PCDHA8: variants seen among roughly 807,000 people sequenced by gnomAD.
PCDHA8 encodes protocadherin alpha 8, also known as protocadherin alpha-8.
PCDHA8 carries 53 observed loss-of-function variants against 61.8 expected under a neutral mutation model. The observed-to-expected ratio is 0.86, with a 90% CI of 0.69 to 1.08. The LOEUF (loss-of-function observed/expected upper bound fraction) is 1.08, where lower values mean the gene tolerates loss of function less well. PCDHA8 is among the 50% of genes least tolerant of loss of function. PCDHA8 has a pLI of 0.00. For synonymous variants in PCDHA8, 618 were observed against 556.6 expected, an observed-to-expected ratio of 1.11 and a Z score of -1.55; for missense variants, 1,293 against 1,245.0, an observed-to-expected ratio of 1.04 and a Z score of -0.58.
chr5:140,986,173 C>G (rs1459755039), intron 3 of PCDHA8, among the ~76,000 whole-genome samples: 1 of 152,202 alleles, frequency 6.6e-6, no homozygotes, highest in Non-Finnish European at 1.5e-5. Flanking sequence ...GCAGGATAAA[C>G]AAGTCAGGCA....
At chr5:141,000,421 A>ATTTTTTTTT (rs34755515) in intron 3 of PCDHA8, among the ~76,000 whole-genome samples, 3 of 27,980 alleles carry the variant, frequency 1.1e-4, no homozygotes, top group African/African-American at 1.8e-4. Flanking sequence ...ATATATATAT[A>ATTTTTTTTT]TTTTTTTTTT....
chr5:140,866,321 C>A (rs1282592787), intron 1 of PCDHA8: 1 of 152,000 alleles, frequency 6.6e-6, no homozygotes, highest in Non-Finnish European at 1.5e-5. Flanking sequence ...TTTCAGGGAC[C>A]CTGAACTTGG....
Position 140,843,243 on chromosome 5 carries a change from A to T in PCDHA8, c.1922A>T (p.Asp641Val). 1 of 1,595,128 alleles carries T rather than the reference A, an allele frequency of 6.3e-7. No homozygotes were observed. Among genetic ancestry groups the T allele is most frequent in the Non-Finnish European group, 8.6e-7 (1 of 1,165,308 alleles). Residue 641 changes from aspartate (D) to valine (V), a missense_variant, in exon 1 of 4, where the codon GAC (aspartate) becomes GTC (valine). Asp to Val is a radical substitution (Grantham distance 152). Coordinates refer to ENST00000531613, the MANE Select transcript of PCDHA8 (RefSeq NM_018911.3). ...ACCACTCGTGTCCTGGACGAAGCGG[A>T]CTCTCCGCGCCACCGTCTGCTGGTC... ...ISTTRVLDEA[D>V]SPRHRLLVLV...
chr5:140,867,041 C>G (rs188716908), intron 1 of PCDHA8: 1 of 152,078 alleles, frequency 6.6e-6, no homozygotes, highest in East Asian at 1.9e-4. Flanking sequence ...TATGACTTGG[C>G]GTTTGTTCAG....
intron 1 of PCDHA8, chr5:140,871,565 G>A: frequency 3.4e-6 from 5 of 1,483,114 alleles, no homozygotes; most frequent in South Asian, 1.4e-5. Context: ...TTTTTTTCAC[G>A]GATTTTTTAA....
intron 1 of PCDHA8, chr5:140,967,133 G>C: frequency 6.2e-7 from 1 of 1,611,928 alleles, no homozygotes; most frequent in East Asian, 2.2e-5. Flanking sequence ...CAGCTTGGAA[G>C]TGCTGGCGCA....
chr5:140,863,250 C>T, intron 1 of PCDHA8: 1 of 1,410,418 alleles, frequency 7.1e-7, no homozygotes, highest in Non-Finnish European at 9.7e-7. Context: ...TGGCGGGCGT[C>T]GAGGTCCGGG....
chr5:140,871,567 AT>A (rs1441824086), intron 1 of PCDHA8: 5 of 1,483,054 alleles, frequency 3.4e-6, no homozygotes, highest in African/African-American at 1.4e-5. Context: ...TTTTTCACGG[AT>A]TTTTTAAGGG....
Position 140,883,309 on chromosome 5 carries a change from C to T in PCDHA8, c.2394+39594C>T, listed in dbSNP as rs782264263. The T allele has an allele frequency of 4.3e-6, 7 of 1,613,930 alleles. No individual in the cohort carries two copies. In the Admixed American group the frequency reaches 1.2e-4, roughly 27 times the overall value. ...AAGTACTAGATGTAAATGATAACGCCCCAGAGGTTACCATCACTTCTTTGT... is the reference window on the plus strand; with the variant it reads ...AAGTACTAGATGTAAATGATAACGCTCCAGAGGTTACCATCACTTCTTTGT... On this transcript the variant is annotated intron_variant, in intron 1 of 3. Transcript: ENST00000531613.
intron 1 of PCDHA8, among the ~76,000 whole-genome samples, chr5:140,941,214 C>CCTTCTTTCTTTCTTT (rs1554214040): frequency 8.2e-6 from 1 of 122,414 alleles, no homozygotes; most frequent in Non-Finnish European, 1.7e-5. Context: ...TTTCTTTCTT[C>CCTTCTTTCTTTCTTT]CTTTCTTTCT....
chr5:140,852,926 T>C (rs1274481129), intron 1 of PCDHA8: 1 of 649,848 alleles, frequency 1.5e-6, no homozygotes, highest in Non-Finnish European at 2.0e-6. Flanking sequence ...TTGCCCAGGC[T>C]GGAGTGCAGT....
intron 1 of PCDHA8, among the ~76,000 whole-genome samples, chr5:140,937,697 G>A (rs2091687536): frequency 6.6e-6 from 1 of 151,910 alleles, no homozygotes; most frequent in Non-Finnish European, 1.5e-5. Flanking sequence ...CGGATCACGA[G>A]GTCAGGAGAT....
At position 140,888,063 on chromosome 5, in the gene PCDHA8, T is replaced by A. The variant is rs1412671068; in HGVS notation, c.2394+44348T>A. On this transcript the variant is annotated intron_variant, in intron 1 of 3. Coordinates refer to ENST00000531613, the MANE Select transcript of PCDHA8 (RefSeq NM_018911.3). Reference sequence around the variant, plus strand: ...TGTATAATAGATGTTTTAACTTTCTTGTCTGCTAATTTCAACATTTTTGTC... The same window carrying A: ...TGTATAATAGATGTTTTAACTTTCTAGTCTGCTAATTTCAACATTTTTGTC... Among the ~76,000 whole-genome samples the A allele has an allele frequency of 2.0e-5, 3 of 152,238 alleles. No homozygotes were observed. In the East Asian group the frequency reaches 5.8e-4, roughly 29 times the overall value.
chr5:140,941,185 C>CTTTTT (rs782102770), intron 1 of PCDHA8, among the ~76,000 whole-genome samples: 1 of 102,242 alleles, frequency 9.8e-6, no homozygotes, highest in African/African-American at 3.6e-5. Context: ...CATCCTGCTT[C>CTTTTT]TTTTTTTTTC....
intron 1 of PCDHA8, among the ~76,000 whole-genome samples, chr5:140,941,058 T>C (rs1554213707): frequency 6.6e-6 from 1 of 152,106 alleles, no homozygotes; most frequent in East Asian, 1.9e-4. Context: ...TCCCCAGCAG[T>C]TTTCTGGGCT....
At chr5:140,862,415 G>A (rs1382532896) in intron 1 of PCDHA8, 6 of 348,784 alleles carry the variant, frequency 1.7e-5, no homozygotes, top group Non-Finnish European at 2.8e-5. Context: ...TTCAAAAGGC[G>A]CTGCCCAGAA....
chr5:140,981,033 GA>G (rs148859655), intron 2 of PCDHA8, among the ~76,000 whole-genome samples: 2 of 151,612 alleles, frequency 1.3e-5, no homozygotes, highest in Admixed American at 6.6e-5. Flanking sequence ...AATATTTGGG[GA>G]AAAAAAACAG....
intron 1 of PCDHA8, among the ~76,000 whole-genome samples, chr5:140,887,198 G>A (rs1276345927): frequency 2.6e-5 from 4 of 151,490 alleles, no homozygotes; most frequent in Admixed American, 2.6e-4. Flanking sequence ...CCGGGTTCAC[G>A]CCATTCTCCT....
Position 140,898,031 on chromosome 5 carries a change from G to C in PCDHA8, c.2394+54316G>C, listed in dbSNP as rs550093815. Among the ~76,000 whole-genome samples, 156 of 152,112 alleles carry C rather than the reference G, an allele frequency of 1.0e-3. No individual in the cohort carries two copies. The South Asian group carries it at 0.016, about 16-fold the overall frequency. ...CATATCCTTTGCCCACTTTTTGATG[G>C]GGTTGTTTGTTTTTTTCTTGTAAAT... On this transcript the variant is annotated intron_variant, in intron 1 of 3. Coordinates refer to ENST00000531613, the MANE Select transcript of PCDHA8 (RefSeq NM_018911.3).
Sources: gnomAD v4.1 joint callset for allele counts (sites outside exome capture counted in the v4.1 genomes callset) on GRCh38, gnomAD v4.1.1 for gene constraint, MANE v1.5 for transcripts, NCBI Gene and HGNC (gene_info 2026-07-23, HGNC 2026-07-21) for gene names.